MICAL3: variants seen among roughly 807,000 people sequenced by gnomAD.
MICAL3 encodes microtubule associated monooxygenase, calponin and LIM domain containing 3.
A neutral mutation model predicts 207.4 loss-of-function variants in MICAL3; 62 were observed. That is an observed-to-expected ratio of 0.30 (90% CI 0.24 to 0.37). MICAL3 has a LOEUF of 0.37. Ranked by LOEUF, MICAL3 falls within the 10% of genes least tolerant of loss-of-function variation. MICAL3 has a pLI of 1.00. For synonymous variants in MICAL3, 1,077 were observed against 1,069.3 expected (o/e 1.01, Z -0.14); for missense variants, 2,368 against 2,635.6 (o/e 0.90, Z 2.22).
At chr22:17,877,451 GGAGGTT>G in intron 16 of MICAL3, among the ~76,000 whole-genome samples, 1 of 124,736 alleles carries the variant, frequency 8.0e-6, no homozygotes, top group East Asian at 2.2e-4. Flanking sequence ...GGGAGGTTAT[GGAGGTT>G]AGGGAGATTA....
chr22:17,951,471 C>A (rs1261022041), intron 1 of MICAL3, among the ~76,000 whole-genome samples: 1 of 151,692 alleles, frequency 6.6e-6, no homozygotes. Flanking sequence ...ATGACACACT[C>A]TGCTGCTGTT....
intron 1 of MICAL3, among the ~76,000 whole-genome samples, chr22:17,971,614 G>GCACA (rs1437897973): frequency 6.6e-6 from 1 of 152,182 alleles, no homozygotes; most frequent in African/African-American, 2.4e-5. Flanking sequence ...TTGGGGCTAA[G>GCACA]CACAGAATGT....
rs374705768 is a variant in MICAL3, at chr22:17,874,914, T to C, written c.2242-2891A>G. Among the ~76,000 whole-genome samples the C allele has an allele frequency of 4.6e-5, 7 of 152,294 alleles. No homozygotes were observed. In the South Asian group the frequency reaches 6.2e-4, roughly 14 times the overall value. On this transcript the variant is annotated intron_variant, in intron 16 of 31. Coordinates refer to ENST00000441493, the MANE Select transcript of MICAL3 (RefSeq NM_015241.3). ...GTGAGGTCTGGCGTCAACTCAGGCA[T>C]GGGAAATACCAGTAGGAGTGGCAAA...
intron 22 of MICAL3, chr22:17,826,326 C>T: frequency 5.6e-6 from 2 of 360,172 alleles, no homozygotes; most frequent in Non-Finnish European, 7.8e-6. Context: ...CATGCAGGTA[C>T]CCCCACCCGC....
intron 1 of MICAL3, among the ~76,000 whole-genome samples, chr22:18,013,385 G>A (rs1305930392): frequency 6.6e-6 from 1 of 152,150 alleles, no homozygotes; most frequent in East Asian, 1.9e-4. Flanking sequence ...TCATTTTTCT[G>A]TCATTACTCC....
In MICAL3 at chr22:17,842,519, C is replaced by T. The variant is rs183136727; in HGVS notation, c.2606-502G>A. The T allele has an allele frequency of 5.8e-4, 98 of 168,974 alleles. 1 individual carries two copies. The highest frequency in any genetic ancestry group is 2.2e-3 in the African/African-American group (92 of 42,306). 10.5% of individuals were successfully genotyped at this position (168,974 alleles called of 1,614,324 possible). On this transcript the variant is annotated intron_variant, in intron 19 of 31. Coordinates refer to ENST00000441493, the MANE Select transcript of MICAL3 (RefSeq NM_015241.3). ...GGGGCCTGGCCAGCTGCCTGAAGAACGTCTCATGCTGCGGATCTGTCTCCT... is the reference window on the plus strand; with the variant it reads ...GGGGCCTGGCCAGCTGCCTGAAGAATGTCTCATGCTGCGGATCTGTCTCCT...
chr22:17,873,101 T>C (rs1413290440), intron 16 of MICAL3, among the ~76,000 whole-genome samples: 2 of 152,168 alleles, frequency 1.3e-5, no homozygotes, highest in African/African-American at 2.4e-5. Flanking sequence ...GTGTCTTCCT[T>C]GGGAAGAACT....
At chr22:17,845,459 C>T (rs547410920) in intron 19 of MICAL3, among the ~76,000 whole-genome samples, 8 of 152,218 alleles carry the variant, frequency 5.3e-5, no homozygotes, top group Admixed American at 2.0e-4. Flanking sequence ...GGAATCCTTT[C>T]GGTACGACGT....
At chr22:17,966,784 T>C (rs1242293455) in intron 1 of MICAL3, among the ~76,000 whole-genome samples, 1 of 152,256 alleles carries the variant, frequency 6.6e-6, no homozygotes, top group Non-Finnish European at 1.5e-5. Context: ...TCAATGATTA[T>C]GTATCTGCCC....
At chr22:18,004,067 C>A (rs534196933) in intron 1 of MICAL3, among the ~76,000 whole-genome samples, 6 of 151,638 alleles carry the variant, frequency 4.0e-5, no homozygotes, top group Admixed American at 6.6e-5. Flanking sequence ...TGCGCCTGGC[C>A]CCTGGGATAG....
chr22:17,890,095 T>C (rs903949184), intron 12 of MICAL3, among the ~76,000 whole-genome samples: 2 of 152,232 alleles, frequency 1.3e-5, no homozygotes, highest in African/African-American at 4.8e-5. Flanking sequence ...GGCCATTTCC[T>C]ACTGGGTTTA....
intron 1 of MICAL3, among the ~76,000 whole-genome samples, chr22:17,965,362 G>C (rs138069198): frequency 1.7e-4 from 26 of 152,220 alleles, no homozygotes; most frequent in South Asian, 4.2e-4. Flanking sequence ...CTTAAGAGAG[G>C]TCCTGAAGGC....
chr22:17,845,710 T>A (rs1334814192), intron 19 of MICAL3, among the ~76,000 whole-genome samples: 1 of 152,148 alleles, frequency 6.6e-6, no homozygotes, highest in East Asian at 1.9e-4. Flanking sequence ...ACTCAGGAGA[T>A]CACCATGCTG....
intron 1 of MICAL3, among the ~76,000 whole-genome samples, chr22:17,968,325 G>GC (rs1935246729): frequency 6.6e-6 from 1 of 152,066 alleles, no homozygotes; most frequent in Admixed American, 6.6e-5. Context: ...GCTCAGACCC[G>GC]CCCTACTGAG....
intron 22 of MICAL3, among the ~76,000 whole-genome samples, chr22:17,823,770 C>T (rs1409740051): frequency 6.6e-6 from 1 of 152,134 alleles, no homozygotes; most frequent in Admixed American, 6.5e-5. Context: ...GAAAAAAATT[C>T]GAAATCCAAA....
At chr22:17,877,333 T>TGGAGGTTAG (rs1256770924) in intron 16 of MICAL3, among the ~76,000 whole-genome samples, 121 of 11,214 alleles carry the variant, frequency 0.011, 10 homozygotes, top group South Asian at 0.019. Flanking sequence ...AGGGAGGTTA[T>TGGAGGTTAG]GGAGGTTAGG....
intron 1 of MICAL3, chr22:18,004,269 T>C (rs1200363505): frequency 1.3e-5 from 2 of 152,012 alleles, no homozygotes; most frequent in Non-Finnish European, 2.9e-5. Flanking sequence ...CTTTTTTTTT[T>C]TTTTCTTTTT....
At position 17,817,335 on chromosome 22, in the gene MICAL3, T is replaced by G. The variant is rs765792813; in HGVS notation, c.5326A>C (p.Arg1776=). The part of the protein sequence containing the change: ...SGATVDSGKH[R]VLPVVRAELQ... ...CCTGCCCTTACGACGGGAAGCACCC[T>G]GTGCTTTCCAGAGTCCACCGTGGCC... Residue 1776 remains arginine (R), a synonymous_variant, in exon 26 of 32, where the codon AGG becomes CGG. Transcript: ENST00000441493. The G allele has an allele frequency of 6.2e-7, 1 of 1,606,284 alleles. No homozygotes were observed. The highest frequency in any genetic ancestry group is 8.5e-7 in the Non-Finnish European group (1 of 1,176,842).
intron 16 of MICAL3, among the ~76,000 whole-genome samples, chr22:17,880,948 G>A (rs1462535185): frequency 6.6e-6 from 1 of 152,224 alleles, no homozygotes; most frequent in Non-Finnish European, 1.5e-5. Flanking sequence ...ATCAATTACA[G>A]TTGAACTTCT....
Sources: allele counts gnomAD v4.1 joint callset (sites outside exome capture counted in the v4.1 genomes callset), GRCh38; gene constraint gnomAD v4.1.1; transcripts MANE v1.5; gene names NCBI Gene and HGNC (gene_info 2026-07-23, HGNC 2026-07-21).